ANXA9: variants seen among roughly 807,000 people sequenced by gnomAD.
ANXA9 encodes annexin 31.
A neutral mutation model predicts 51.8 loss-of-function variants in ANXA9; 47 were observed. The observed-to-expected ratio is 0.91, with a 90% confidence interval of 0.72 to 1.16. ANXA9 has a LOEUF of 1.16. Ranked by LOEUF, ANXA9 falls within the 50% of genes most tolerant of loss-of-function variation. The pLI, the probability that ANXA9 is intolerant of heterozygous loss-of-function variation, is 0.00. For synonymous variants in ANXA9, 154 were observed against 168.7 expected (o/e 0.91, Z 0.68); for missense variants, 361 against 424.7 (o/e 0.85, Z 1.32).
chr1:150,978,186 T>G (rs1015563917), upstream of ANXA9, among the ~76,000 whole-genome samples: 2 of 151,838 alleles, frequency 1.3e-5, no homozygotes, highest in African/African-American at 2.4e-5. Flanking sequence ...ATTCCAGCAC[T>G]TTGGGAGGCC....
chr1:150,983,347 T>TG lies in ANXA9; in HGVS notation c.90dup (p.Thr31AspfsTer88), dbSNP rs1558038070. The TG allele has an allele frequency of 6.2e-7, 1 of 1,614,082 alleles. No homozygotes were observed. On this transcript the variant is annotated frameshift_variant, in exon 4 of 14. Coordinates refer to ENST00000368947, the MANE Select transcript of ANXA9 (RefSeq NM_003568.3). LOFTEE classifies it high-confidence loss of function. ...CCCTGTGCTCCCACAGACTGCAGCG[T>TG]GGGGGACCCTGGGCACCCTCAGGAC...
At chr1:150,977,578 T>G (rs1185635889), upstream of ANXA9, among the ~76,000 whole-genome samples, 1 of 152,208 alleles carries the variant, frequency 6.6e-6, no homozygotes, top group African/African-American at 2.4e-5. Context: ...CTCCAGGCCT[T>G]CAGCCCCGAG....
At position 150,993,186 on chromosome 1, in the gene ANXA9, G is replaced by GA. The variant is rs931593608; in HGVS notation, c.853-1380dup. Among the ~76,000 whole-genome samples, 544 of 141,326 alleles carry GA rather than the reference G, an allele frequency of 3.8e-3. 2 individuals are homozygous for GA. Among genetic ancestry groups the GA allele is most frequent in the South Asian group, 8.8e-3 (40 of 4,566 alleles). The allele number at this position is 141,326 out of a possible 152,430, so 92.7% of individuals were successfully genotyped here. A position where few individuals can be genotyped will look rare whatever the true frequency, so the allele number is the denominator to read the frequency against. Reference sequence around the variant, plus strand: ...GAATTGATGACAACACTGGTGCACAGAAAAAAAAAAACACAGGAATTTTAC... The same window carrying GA: ...GAATTGATGACAACACTGGTGCACAGAAAAAAAAAAAACACAGGAATTTTAC... On this transcript the variant is annotated intron_variant, in intron 12 of 13. Transcript: ENST00000368947.
upstream of ANXA9, among the ~76,000 whole-genome samples, chr1:150,978,027 T>C (rs1671364514): frequency 6.6e-6 from 1 of 151,984 alleles, no homozygotes; most frequent in South Asian, 2.1e-4. Context: ...TTCCAGCTAC[T>C]TTGGAGGCTG....
upstream of ANXA9, among the ~76,000 whole-genome samples, chr1:150,980,292 A>C (rs2102782860): frequency 6.6e-6 from 1 of 151,946 alleles, no homozygotes; most frequent in Middle Eastern, 3.4e-3. Context: ...GCTACTCGGG[A>C]GGCGGAGGCA....
intron 9 of ANXA9, 96 bp from the exon 10 acceptor site, chr1:150,987,776 T>C (rs1380014713): frequency 1.0e-6 from 1 of 960,854 alleles, no homozygotes; most frequent in Non-Finnish European, 1.6e-6. Flanking sequence ...ATTTCCATCA[T>C]GATGATGATA....
upstream of ANXA9, among the ~76,000 whole-genome samples, chr1:150,979,261 C>T (rs147453840): frequency 2.1e-3 from 318 of 151,880 alleles, 5 homozygotes; most frequent in African/African-American, 7.5e-3. Flanking sequence ...CCTGGCATGC[C>T]GGCCAGGAGC....
chr1:150,988,436 G>A (rs900768179), intron 12 of ANXA9, 95 bp downstream of exon 12: 40 of 1,439,768 alleles, frequency 2.8e-5, no homozygotes, highest in African/African-American at 2.5e-4. Context: ...TATATACACC[G>A]TCTAAACCTC....
chr1:150,994,449 T>A (rs1671782405), intron 12 of ANXA9, 128 bp from the exon 13 acceptor site: 12 of 1,409,256 alleles, frequency 8.5e-6, no homozygotes, highest in Non-Finnish European at 9.7e-6. Flanking sequence ...AGATAATGTA[T>A]AATGTACACT....
chr1:150,984,187 G>C, intron 5 of ANXA9, 94 bp from the exon 6 acceptor site: 2 of 1,534,250 alleles, frequency 1.3e-6, no homozygotes, highest in East Asian at 2.3e-5. Flanking sequence ...CAGGGCCTGA[G>C]ATGAAAACCA....
At position 150,988,120 on chromosome 1, in the gene ANXA9, C is replaced by A. The variant is rs1210001739; in HGVS notation, c.727C>A (p.Gln243Lys). The change falls in exon 11 of 14, where the codon CAA becomes AAA. Residue 243 changes from glutamine to lysine, a missense_variant. Transcript: ENST00000368947. ...VFDQYQRSTG[Q>K]ELEEAVQNRF... Reference sequence around the variant, plus strand: ...TGATCAGTACCAGCGGAGCACTGGGCAAGAGCTGGAGGAGGCTGTCCAGAA... The same window carrying A: ...TGATCAGTACCAGCGGAGCACTGGGAAAGAGCTGGAGGAGGCTGTCCAGAA... 6.2e-7 allele frequency: 1 copy of A among 1,614,086 alleles called. No individual in the cohort carries two copies. Among genetic ancestry groups the A allele is most frequent in the Non-Finnish European group, 8.5e-7 (1 of 1,180,046 alleles).
chr1:150,993,565 C>T (rs2102807163), intron 12 of ANXA9, among the ~76,000 whole-genome samples: 1 of 151,696 alleles, frequency 6.6e-6, no homozygotes, highest in Non-Finnish European at 1.5e-5. Flanking sequence ...TTGCCTTGGC[C>T]TCCCAAAATT....
intron 4 of ANXA9, 142 bp downstream of exon 4, chr1:150,983,576 G>A: frequency 1.2e-6 from 1 of 824,700 alleles, no homozygotes; most frequent in South Asian, 1.8e-5. Context: ...GCCACAGTAG[G>A]TGTGTCAAAC....
intron 12 of ANXA9, among the ~76,000 whole-genome samples, chr1:150,992,092 G>A (rs1403024605): frequency 6.6e-6 from 1 of 152,032 alleles, no homozygotes; most frequent in Non-Finnish European, 1.5e-5. Flanking sequence ...TGAGAGATAT[G>A]TAGATATATG....
chr1:150,983,047 G>A, intron 2 of ANXA9, 43 bp from the exon 3 acceptor site: 1 of 1,530,614 alleles, frequency 6.5e-7, no homozygotes, highest in Non-Finnish European at 9.0e-7. Flanking sequence ...GTCCCTGAAG[G>A]GCCAGGAAAT....
Position 150,986,435 on chromosome 1 carries a change from A to G in ANXA9, c.552+20A>G. On this transcript the variant is annotated intron_variant, in intron 8 of 13. Transcript: ENST00000368947. ...GCCAAGGTGAGGAGGACTGACCTGC[A>G]AGGAAGGGAGTCACGTTCACCAGGC... 3.1e-6 allele frequency: 5 copies of G among 1,612,600 alleles called. No homozygotes were observed. The highest frequency in any genetic ancestry group is 4.2e-6 in the Non-Finnish European group (5 of 1,178,740).
intron 12 of ANXA9, among the ~76,000 whole-genome samples, chr1:150,990,935 G>A (rs1671681544): frequency 6.6e-6 from 1 of 152,044 alleles, no homozygotes; most frequent in Admixed American, 6.6e-5. Flanking sequence ...ACGAGGTCAG[G>A]AGATCGAGAC....
upstream of ANXA9, among the ~76,000 whole-genome samples, chr1:150,978,527 A>G (rs1671371092): frequency 2.6e-5 from 4 of 152,190 alleles, no homozygotes; most frequent in South Asian, 8.3e-4. Flanking sequence ...TTTCCCCTGT[A>G]TTCCACTGAG....
chr1:150,995,335 C>A lies in ANXA9; in HGVS notation c.*13C>A. On this transcript the variant is annotated 3_prime_UTR_variant, in exon 14 of 14. Transcript: ENST00000368947. ...TGAAGACATGTGAGACTTCCCTGCC[C>A]CACCCCACATGACATCCGAGGATCT... 2.5e-6 allele frequency: 4 copies of A among 1,596,954 alleles called. No homozygotes were observed. The highest frequency in any genetic ancestry group is 3.4e-6 in the Non-Finnish European group (4 of 1,171,726).
Sources: gnomAD v4.1 joint callset for allele counts (sites outside exome capture counted in the v4.1 genomes callset) on GRCh38, gnomAD v4.1.1 for gene constraint, MANE v1.5 for transcripts, NCBI Gene and HGNC (gene_info 2026-07-23, HGNC 2026-07-21) for gene names.